Variants in PTPRD observed in about 807,000 individuals in gnomAD.
PTPRD encodes the protein protein tyrosine phosphatase receptor type D, also known as receptor-type tyrosine-protein phosphatase delta.
Under a neutral mutation model 214.5 loss-of-function variants are expected in PTPRD, and 34 were observed. The ratio of observed to expected loss-of-function variants is 0.16; its 90% CI spans 0.12 to 0.21. The LOEUF (loss-of-function observed/expected upper bound fraction) is 0.21. Among genes scored for constraint, PTPRD ranks in the 10% least tolerant of loss-of-function variants. The probability of loss-of-function intolerance (pLI) is 1.00; values close to 1 mark genes in which losing one functional copy is unlikely to be tolerated. For synonymous variants in PTPRD, 1,128 were observed against 845.7 expected, an observed-to-expected ratio of 1.33 and a Z score of -5.79; for missense variants, 2,545 against 2,398.7, an observed-to-expected ratio of 1.06 and a Z score of -1.27.
intron 5 of PTPRD, among the ~76,000 whole-genome samples, chr9:9,846,196 C>G (rs957385077): frequency 2.6e-5 from 4 of 152,086 alleles, no homozygotes; most frequent in African/African-American, 9.7e-5. Flanking sequence ...ATTGTTCTTA[C>G]CCAAATCACC....
intron 43 of PTPRD, among the ~76,000 whole-genome samples, chr9:8,335,899 T>A (rs1006220793): frequency 1.3e-5 from 2 of 152,030 alleles, no homozygotes; most frequent in African/African-American, 4.8e-5. Context: ...GAGAATAAAA[T>A]ACCTAGGCAT....
intron 9 of PTPRD, among the ~76,000 whole-genome samples, chr9:9,260,256 G>A (rs892193267): frequency 6.6e-6 from 1 of 151,780 alleles, no homozygotes; most frequent in Non-Finnish European, 1.5e-5. Context: ...CTAAAGCCCT[G>A]AACTTGAAAT....
At chr9:10,362,315 C>A (rs10959076) in intron 2 of PTPRD, among the ~76,000 whole-genome samples, 2 of 151,046 alleles carry the variant, frequency 1.3e-5, no homozygotes, top group Admixed American at 6.6e-5. Context: ...TTGATCTTCA[C>A]AACAATCCTC....
chr9:9,701,266 T>C (rs2097495957), intron 7 of PTPRD, among the ~76,000 whole-genome samples: 1 of 152,130 alleles, frequency 6.6e-6, no homozygotes, highest in South Asian at 2.1e-4. Flanking sequence ...AACATGATGG[T>C]AGTTATATCT....
intron 10 of PTPRD, among the ~76,000 whole-genome samples, chr9:9,144,536 G>A (rs1025369746): frequency 2.0e-5 from 3 of 152,028 alleles, no homozygotes; most frequent in Admixed American, 6.6e-5. Context: ...GGTGGATCAC[G>A]AGGTCAGAAG....
intron 6 of PTPRD, among the ~76,000 whole-genome samples, chr9:9,742,782 C>T (rs1250848849): frequency 1.3e-5 from 2 of 152,158 alleles, no homozygotes; most frequent in Non-Finnish European, 2.9e-5. Context: ...CCTTCCTCTA[C>T]TAGCTTCTTT....
intron 3 of PTPRD, among the ~76,000 whole-genome samples, chr9:10,278,913 T>C (rs959941984): frequency 1.3e-5 from 2 of 152,114 alleles, no homozygotes; most frequent in South Asian, 2.1e-4. Flanking sequence ...TAGCTGGGAC[T>C]ACAGGCACAC....
At chr9:10,019,477 C>G (rs372738924) in intron 4 of PTPRD, among the ~76,000 whole-genome samples, 4 of 152,050 alleles carry the variant, frequency 2.6e-5, no homozygotes, top group East Asian at 1.9e-4. Flanking sequence ...CACATGCACA[C>G]GTATGTTTAT....
At chr9:8,331,077 T>A (rs889984393) in intron 44 of PTPRD, among the ~76,000 whole-genome samples, 2 of 145,726 alleles carry the variant, frequency 1.4e-5, no homozygotes, top group African/African-American at 5.5e-5. Flanking sequence ...AACTTGAAGG[T>A]GCTTCATTTT....
At position 9,793,768 on chromosome 9, in the gene PTPRD, G is replaced by C. The variant is rs373971695; in HGVS notation, c.-367-26917C>G. 1.3e-4 allele frequency among the ~76,000 whole-genome samples: 20 copies of C among 151,994 alleles called. No individual in the cohort carries two copies. In the South Asian group the frequency reaches 4.2e-3, roughly 32 times the overall value. ...TCTTCCTTCTGTGTAGTTCCTACTT[G>C]GTTTCCATTAGATTAAATCCCAAAT... On this transcript the variant is annotated intron_variant, in intron 5 of 45. Transcript: ENST00000381196.
At chr9:9,114,734 C>A (rs989719105) in intron 10 of PTPRD, among the ~76,000 whole-genome samples, 1 of 152,020 alleles carries the variant, frequency 6.6e-6, no homozygotes, top group Non-Finnish European at 1.5e-5. Flanking sequence ...AACCCTTTTG[C>A]CTCCTCTTTC....
intron 5 of PTPRD, among the ~76,000 whole-genome samples, chr9:9,889,414 A>C (rs538823151): frequency 6.6e-6 from 1 of 152,288 alleles, no homozygotes; most frequent in South Asian, 2.1e-4. Context: ...TACAAATTTA[A>C]AAGTATTTAA....
Position 10,502,054 on chromosome 9 carries a change from T to C in PTPRD, c.-600+110344A>G, listed in dbSNP as rs977887301. Among the ~76,000 whole-genome samples, 12 of 151,824 alleles carry C rather than the reference T, an allele frequency of 7.9e-5. No individual in the cohort carries two copies. The East Asian group carries it at 1.4e-3, about 17-fold the overall frequency. On this transcript the variant is annotated intron_variant, in intron 2 of 45. Coordinates refer to ENST00000381196, the MANE Select transcript of PTPRD (RefSeq NM_002839.4). ...CAATAAGAAGAAAATCGAGCTTAAT[T>C]TTTTTTAAGAAAATAGTGTGCTATT...
intron 4 of PTPRD, among the ~76,000 whole-genome samples, chr9:9,984,332 G>A (rs2095637477): frequency 6.6e-6 from 1 of 152,106 alleles, no homozygotes; most frequent in South Asian, 2.1e-4. Flanking sequence ...CTCTAGGACT[G>A]GGAAAAAGTA....
At chr9:10,191,148 A>C (rs1304913210) in intron 3 of PTPRD, among the ~76,000 whole-genome samples, 1 of 152,160 alleles carries the variant, frequency 6.6e-6, no homozygotes, top group Non-Finnish European at 1.5e-5. Context: ...CTTTTTCATA[A>C]GATATGCTCA....
rs548277889 is a variant in PTPRD at position 10,255,025 on chromosome 9, T to C, written c.-545+85938A>G. ...AGCTTCAATATATGTTTAGAAAACA[T>C]GGCTTTGTAGATATGATGCAAAGAA... On this transcript the variant is annotated intron_variant, in intron 3 of 45. Coordinates refer to ENST00000381196, the MANE Select transcript of PTPRD (RefSeq NM_002839.4). Among the ~76,000 whole-genome samples the C allele has an allele frequency of 3.9e-5, 6 of 152,350 alleles. No homozygotes were observed. The South Asian group carries it at 1.2e-3, about 32-fold the overall frequency.
At chr9:9,827,305 A>G (rs1373573512) in intron 5 of PTPRD, among the ~76,000 whole-genome samples, 1 of 152,150 alleles carries the variant, frequency 6.6e-6, no homozygotes, top group Non-Finnish European at 1.5e-5. Context: ...GTACCAAAAC[A>G]GAGATATAGA....
chr9:9,667,609 G>C (rs2096748574), intron 7 of PTPRD, among the ~76,000 whole-genome samples: 1 of 152,122 alleles, frequency 6.6e-6, no homozygotes, highest in Admixed American at 6.5e-5. Context: ...GGGATTTCTA[G>C]AGGTGATCTG....
chr9:8,683,558 G>A (rs2097596980), intron 12 of PTPRD, among the ~76,000 whole-genome samples: 2 of 152,110 alleles, frequency 1.3e-5, no homozygotes, highest in Non-Finnish European at 2.9e-5. Flanking sequence ...CAAGGAAAAG[G>A]AGGAAGAAAT....
Sources: allele counts gnomAD v4.1 joint callset (sites outside exome capture counted in the v4.1 genomes callset), GRCh38; gene constraint gnomAD v4.1.1; transcripts MANE v1.5; gene names NCBI Gene and HGNC (gene_info 2026-07-23, HGNC 2026-07-21).